The following ZNF804B variants were observed in gnomAD, a reference collection of about 807,000 sequenced individuals.
The protein encoded by ZNF804B is zinc finger protein 804B.
In ZNF804B, 80 loss-of-function variants were observed where a neutral mutation model predicts 101.4. That is an observed-to-expected ratio of 0.79 (90% CI 0.66 to 0.95). The LOEUF (loss-of-function observed/expected upper bound fraction) is 0.95. Ranked by LOEUF, ZNF804B falls within the 40% of genes least tolerant of loss-of-function variation. The probability of loss-of-function intolerance (pLI) is 0.00; values close to 1 mark genes in which losing one functional copy is unlikely to be tolerated. For missense variants in ZNF804B, 1,673 were observed against 1,561.9 expected (o/e 1.07, Z -1.20); for synonymous variants, 622 against 558.8 (o/e 1.11, Z -1.59).
At chr7:88,942,599 A>T (rs1793072098) in intron 1 of ZNF804B, among the ~76,000 whole-genome samples, 1 of 151,412 alleles carries the variant, frequency 6.6e-6, no homozygotes, top group Non-Finnish European at 1.5e-5. Flanking sequence ...GAAAAAAAAA[A>T]GCCTGGCATA....
intron 2 of ZNF804B, among the ~76,000 whole-genome samples, chr7:89,270,259 G>A (rs985887899): frequency 9.9e-5 from 15 of 152,160 alleles, no homozygotes; most frequent in Non-Finnish European, 1.5e-5. Flanking sequence ...GTAAGGAAGG[G>A]ATCCACTTTC....
intron 1 of ZNF804B, among the ~76,000 whole-genome samples, chr7:88,899,316 G>T (rs1410669965): frequency 6.6e-6 from 1 of 151,962 alleles, no homozygotes; most frequent in East Asian, 1.9e-4. Flanking sequence ...GGGGACGGTG[G>T]TTACCTAGTC....
intron 1 of ZNF804B, among the ~76,000 whole-genome samples, chr7:89,041,065 A>T (rs1202739189): frequency 6.6e-6 from 1 of 152,084 alleles, no homozygotes. Flanking sequence ...CCCTGGGTCC[A>T]TGGAGCCTTG....
At chr7:89,140,635 C>A (rs892992238) in intron 1 of ZNF804B, among the ~76,000 whole-genome samples, 3 of 152,074 alleles carry the variant, frequency 2.0e-5, no homozygotes, top group African/African-American at 7.2e-5. Flanking sequence ...GCTGACTTTT[C>A]TTCTGCAGAT....
At chr7:88,825,544 T>TG (rs5885639) in intron 1 of ZNF804B, among the ~76,000 whole-genome samples, 75,397 of 151,730 alleles carry the variant, frequency 0.5, 20,536 homozygotes, top group East Asian at 0.81. Context: ...CTGTGTCCTC[T>TG]GTCTCCACAG....
At chr7:89,109,106 C>A (rs1490190305) in intron 1 of ZNF804B, among the ~76,000 whole-genome samples, 1 of 152,002 alleles carries the variant, frequency 6.6e-6, no homozygotes, top group African/African-American at 2.4e-5. Context: ...TTTTTTAAAT[C>A]TAATAGACCT....
chr7:88,789,616 A>G (rs576201570), intron 1 of ZNF804B, among the ~76,000 whole-genome samples: 1 of 152,196 alleles, frequency 6.6e-6, no homozygotes, highest in South Asian at 2.1e-4. Flanking sequence ...CATCCTGTCC[A>G]CAGGTAATCA....
At chr7:89,029,907 G>A (rs188401518) in intron 1 of ZNF804B, among the ~76,000 whole-genome samples, 115 of 152,190 alleles carry the variant, frequency 7.6e-4, no homozygotes, top group African/African-American at 2.4e-3. Flanking sequence ...CAGCAATTCA[G>A]TACAAAAAGA....
At chr7:89,289,914 A>G (rs1367305853) in intron 2 of ZNF804B, among the ~76,000 whole-genome samples, 2 of 152,170 alleles carry the variant, frequency 1.3e-5, no homozygotes, top group Admixed American at 1.3e-4. Flanking sequence ...CCCTTTCCCA[A>G]TCCCAGGCAG....
intron 1 of ZNF804B, among the ~76,000 whole-genome samples, chr7:88,942,494 T>TTGAG (rs1014571092): frequency 2.4e-5 from 3 of 126,494 alleles, no homozygotes; most frequent in African/African-American, 3.0e-5. Context: ...TAAAAGATAT[T>TTGAG]TGAGTGAGTG....
intron 2 of ZNF804B, among the ~76,000 whole-genome samples, chr7:89,326,973 G>A (rs1025000252): frequency 6.8e-6 from 1 of 146,096 alleles, no homozygotes; most frequent in African/African-American, 2.8e-5. Context: ...TGAGGGGCAG[G>A]TGGGTGGAAG....
intron 1 of ZNF804B, among the ~76,000 whole-genome samples, chr7:88,951,491 C>T (rs1327637728): frequency 4.0e-5 from 6 of 151,484 alleles, no homozygotes; most frequent in Non-Finnish European, 5.9e-5. Flanking sequence ...TATATAATGT[C>T]TATTATTTCT....
At chr7:88,828,224 A>G (rs550896454) in intron 1 of ZNF804B, among the ~76,000 whole-genome samples, 2 of 152,238 alleles carry the variant, frequency 1.3e-5, no homozygotes, top group East Asian at 1.9e-4. Flanking sequence ...AATAAATGCA[A>G]CCATTTTAAG....
At chr7:88,968,450 T>C (rs1793487916) in intron 1 of ZNF804B, among the ~76,000 whole-genome samples, 1 of 151,594 alleles carries the variant, frequency 6.6e-6, no homozygotes, top group Admixed American at 6.6e-5. Context: ...AACACTTTGC[T>C]CTCTTACTAT....
intron 1 of ZNF804B, among the ~76,000 whole-genome samples, chr7:88,984,040 A>G (rs1793726842): frequency 6.6e-6 from 1 of 152,132 alleles, no homozygotes; most frequent in South Asian, 2.1e-4. Flanking sequence ...TCCAAATGAG[A>G]AACCTAAATG....
chr7:88,836,243 G>A (rs1184873735), intron 1 of ZNF804B, among the ~76,000 whole-genome samples: 2 of 151,926 alleles, frequency 1.3e-5, no homozygotes, highest in Admixed American at 1.3e-4. Context: ...TAGATAAATT[G>A]CCTTGATTCT....
At chr7:89,000,001 C>T (rs988348551) in intron 1 of ZNF804B, among the ~76,000 whole-genome samples, 1 of 151,940 alleles carries the variant, frequency 6.6e-6, no homozygotes. Flanking sequence ...TTCATCATTT[C>T]CTTGAGTAAA....
At chr7:88,784,591 T>C (rs1790273427) in intron 1 of ZNF804B, among the ~76,000 whole-genome samples, 1 of 152,126 alleles carries the variant, frequency 6.6e-6, no homozygotes, top group Admixed American at 6.6e-5. Flanking sequence ...AAGTGACCTT[T>C]ATATTTTTAA....
chr7:89,295,617 CATTTT>C (rs916920103), intron 2 of ZNF804B, among the ~76,000 whole-genome samples: 6 of 151,928 alleles, frequency 3.9e-5, no homozygotes, highest in Non-Finnish European at 8.8e-5. Context: ...ACTTTGTTCT[CATTTT>C]ATTTGATTTG....
Sources: allele counts gnomAD v4.1 joint callset (sites outside exome capture counted in the v4.1 genomes callset), GRCh38; gene constraint gnomAD v4.1.1; transcripts MANE v1.5; gene names NCBI Gene and HGNC (gene_info 2026-07-23, HGNC 2026-07-21).